CLNK: variants seen among roughly 807,000 people sequenced by gnomAD.
CLNK encodes the protein cytokine-dependent hematopoietic cell linker.
CLNK carries 74 observed loss-of-function variants against 68.6 expected under a neutral mutation model. That is an observed-to-expected ratio of 1.08 (90% CI 0.89 to 1.31). The LOEUF (loss-of-function observed/expected upper bound fraction) is 1.31. Ranked by LOEUF, CLNK falls within the 50% of genes most tolerant of loss-of-function variation. The pLI, the probability that CLNK is intolerant of heterozygous loss-of-function variation, is 0.00. For missense variants in CLNK, 553 were observed against 515.3 expected (o/e 1.07, Z -0.71); for synonymous variants, 198 against 172.2 (o/e 1.15, Z -1.17).
In CLNK at chr4:10,489,708, CTGGATT is replaced by C. The variant is rs1716484954; in HGVS notation, c.*753_*758del. On this transcript the variant is annotated 3_prime_UTR_variant, in exon 19 of 19. Transcript: ENST00000226951. ...GAGACGGAGTCTCTCTGTCCCCAGGCTGGATTGGAGTGCAGTGGCGCGATTTCGGCT... is the reference window on the plus strand; with the variant it reads ...GAGACGGAGTCTCTCTGTCCCCAGGCGGAGTGCAGTGGCGCGATTTCGGCT... The C allele has an allele frequency of 2.6e-5, 1 of 37,858 alleles. No individual in the cohort carries two copies. The highest frequency in any genetic ancestry group is 7.9e-5 in the Non-Finnish European group (1 of 12,722). 2.3% of individuals were successfully genotyped at this position (37,858 alleles called of 1,614,324 possible).
At chr4:10,606,501 T>C (rs1721798138) in intron 2 of CLNK, among the ~76,000 whole-genome samples, 1 of 152,162 alleles carries the variant, frequency 6.6e-6, no homozygotes. Flanking sequence ...CTAGTAAATA[T>C]ATAAACCAGT....
chr4:10,523,398 A>G (rs1008522395), intron 14 of CLNK, among the ~76,000 whole-genome samples: 1 of 152,162 alleles, frequency 6.6e-6, no homozygotes, highest in Non-Finnish European at 1.5e-5. Context: ...GGATTTGGGA[A>G]TTATCAACAT....
the CLNK span, among the ~76,000 whole-genome samples, chr4:10,705,371 G>T: frequency 6.6e-6 from 1 of 152,174 alleles, no homozygotes; most frequent in African/African-American, 2.4e-5. Flanking sequence ...AAATCATAGT[G>T]GCTTAAACAA....
Position 10,558,431 on chromosome 4 carries a change from C to T in CLNK, c.421G>A (p.Asp141Asn), listed in dbSNP as rs1719761157. The T allele has an allele frequency of 1.2e-6, 2 of 1,613,754 alleles. No individual in the cohort carries two copies. The highest frequency in any genetic ancestry group is 1.7e-5 in the Admixed American group (1 of 59,996). ...CCTTTAATGTTTTGGCTTCTGACGT[C>T]CTTGGAAATGGGTTTGTCCACCTGT... is the stretch of plus-strand genomic sequence containing the variant. Reference protein sequence around the residue: ...LERVDKPISKDVRSQNIKGDA... With the variant: ...LERVDKPISKNVRSQNIKGDA... The change falls in exon 8 of 19, where the codon GAC becomes AAC. Residue 141 changes from aspartate to asparagine, a missense_variant. Asp to Asn is a conservative substitution (Grantham distance 23). Coordinates refer to ENST00000226951, the MANE Select transcript of CLNK (RefSeq NM_052964.4).
At chr4:10,615,677 A>G (rs1026291255) in intron 2 of CLNK, among the ~76,000 whole-genome samples, 7 of 152,224 alleles carry the variant, frequency 4.6e-5, no homozygotes, top group African/African-American at 7.2e-5. Flanking sequence ...CTGAGTAAGT[A>G]TGCTGTCTTG....
intron 4 of CLNK, among the ~76,000 whole-genome samples, chr4:10,578,437 C>T (rs561087962): frequency 7.0e-4 from 106 of 152,078 alleles, no homozygotes; most frequent in Non-Finnish European, 1.1e-3. Flanking sequence ...CTGGGTGTCC[C>T]CTTATCATAA....
intron 2 of CLNK, among the ~76,000 whole-genome samples, chr4:10,664,478 C>G (rs1230597596): frequency 6.6e-6 from 1 of 152,202 alleles, no homozygotes; most frequent in Admixed American, 6.5e-5. Flanking sequence ...ACACTCACAC[C>G]CAGCCTGACA....
intron 18 of CLNK, 150 bp downstream of exon 18, chr4:10,501,106 T>G (rs916866911): frequency 3.3e-5 from 24 of 736,958 alleles, no homozygotes; most frequent in Non-Finnish European, 4.2e-5. Context: ...AAGTGTAAGA[T>G]GTGCAGATAT....
intron 2 of CLNK, among the ~76,000 whole-genome samples, chr4:10,645,020 C>T (rs571712236): frequency 6.6e-6 from 1 of 152,230 alleles, no homozygotes. Context: ...CTTGCACATA[C>T]TGTTTGCTCT....
intron 2 of CLNK, among the ~76,000 whole-genome samples, chr4:10,640,202 G>A (rs758281318): frequency 6.6e-6 from 1 of 150,836 alleles, no homozygotes; most frequent in Non-Finnish European, 1.5e-5. Flanking sequence ...GTCTTACTCT[G>A]TCGCCAGGCT....
intron 4 of CLNK, among the ~76,000 whole-genome samples, chr4:10,579,430 T>C (rs1720697277): frequency 6.6e-6 from 1 of 152,108 alleles, no homozygotes; most frequent in African/African-American, 2.4e-5. Context: ...AAAAAATATA[T>C]ACATATATAC....
At chr4:10,713,755 A>C in the CLNK span, among the ~76,000 whole-genome samples, 1 of 152,202 alleles carries the variant, frequency 6.6e-6, no homozygotes, top group South Asian at 2.1e-4. Flanking sequence ...GGAGCATGGC[A>C]TCCCTCCCAT....
intron 2 of CLNK, among the ~76,000 whole-genome samples, chr4:10,612,890 G>A (rs1722085323): frequency 6.6e-6 from 1 of 152,206 alleles, no homozygotes; most frequent in South Asian, 2.1e-4. Flanking sequence ...TGAGAATATT[G>A]TAAGAATTAA....
rs536440048 is a variant in CLNK at position 10,568,047 on chromosome 4, T to TAA, written c.151-1899_151-1898dup. Among the ~76,000 whole-genome samples, 266 of 152,324 alleles carry TAA rather than the reference T, an allele frequency of 1.7e-3. 1 individual carries two copies. The highest frequency in any genetic ancestry group is 6.1e-3 in the African/African-American group (253 of 41,570). On this transcript the variant is annotated intron_variant, in intron 5 of 18. Coordinates refer to ENST00000226951, the MANE Select transcript of CLNK (RefSeq NM_052964.4). Reference sequence around the variant, plus strand: ...AAAGGTTAAACACAGAGCTACCATATAATCCAGCAACTCCACATTCACACA... The same window carrying TAA: ...AAAGGTTAAACACAGAGCTACCATATAAAATCCAGCAACTCCACATTCACACA...
the CLNK span, among the ~76,000 whole-genome samples, chr4:10,724,482 G>C: frequency 6.8e-6 from 1 of 146,418 alleles, no homozygotes; most frequent in Admixed American, 6.8e-5. Context: ...TTTTTAGTTA[G>C]TTTTTTTTTT....
intron 2 of CLNK, among the ~76,000 whole-genome samples, chr4:10,655,342 G>GAGAGAGAGAGAGAGAGAGAGAGAGAC: frequency 5.7e-5 from 3 of 52,636 alleles, no homozygotes; most frequent in Admixed American, 1.7e-4. Flanking sequence ...GACAGAGAGA[G>GAGAGAGAGAGAGAGAGAGAGAGAGAC]AGAGAGAGAG....
chr4:10,578,974 T>C (rs928656712), intron 4 of CLNK, among the ~76,000 whole-genome samples: 1 of 152,210 alleles, frequency 6.6e-6, no homozygotes, highest in African/African-American at 2.4e-5. Flanking sequence ...TCCATGTATG[T>C]GAATGTCTTT....
chr4:10,542,398 A>G, intron 8 of CLNK, 118 bp from the exon 9 acceptor site: 1 of 716,852 alleles, frequency 1.4e-6, no homozygotes, highest in Non-Finnish European at 2.4e-6. Context: ...AACGTCAGTT[A>G]ATATTTGCTG....
In CLNK at chr4:10,493,512, C is replaced by G. The variant is rs532948299; in HGVS notation, c.1141-2899G>C. On this transcript the variant is annotated intron_variant, in intron 18 of 18. Transcript: ENST00000226951. ...AGCAATGCACTCTTTTACAAGGGAA[C>G]GAATCTCATCTGTGAGGGCTCCACC... Among the ~76,000 whole-genome samples the G allele has an allele frequency of 1.0e-3, 154 of 152,188 alleles. 2 individuals are homozygous for G. The highest frequency in any genetic ancestry group is 3.5e-3 in the African/African-American group (145 of 41,504).
Sources: gnomAD v4.1 joint callset for allele counts (sites outside exome capture counted in the v4.1 genomes callset) on GRCh38, gnomAD v4.1.1 for gene constraint, MANE v1.5 for transcripts, NCBI Gene and HGNC (gene_info 2026-07-23, HGNC 2026-07-21) for gene names.